The following RAB15 variants were observed in gnomAD, a reference collection of about 807,000 sequenced individuals.
RAB15 encodes the protein RAB15, member RAS oncogene family, also known as ras-related protein Rab-15.
A neutral mutation model predicts 31.8 loss-of-function variants in RAB15; 13 were observed. The observed-to-expected ratio is 0.41, with a 90% CI of 0.27 to 0.65. The LOEUF is 0.65. Ranked by LOEUF, RAB15 falls within the 30% of genes least tolerant of loss-of-function variation. RAB15 has a pLI of 0.32. For synonymous variants in RAB15, 100 were observed against 105.6 expected (o/e 0.95, Z 0.33); for missense variants, 220 against 277.3 (o/e 0.79, Z 1.47).
chr14:64,972,035 G>A lies in RAB15; in HGVS notation c.42C>T (p.Ile14=), dbSNP rs774084170. ...QYDVLFRLLL[I]GDSGVGKTCL... is the part of the protein sequence containing the mutation. ...AGGTCTTGCCCACCCCGGAGTCCCC[G>A]ATCAGCAGCAGCCGGAACAGCACAT... The change falls in exon 1 of 7, where the codon ATC becomes ATT. Residue 14 remains isoleucine, a synonymous_variant. Transcript: ENST00000533601. The surrounding 1 kb of genome is among the most constrained non-coding windows in gnomAD (Gnocchi z 6.3). 552 of 1,610,780 alleles carry A rather than the reference G, an allele frequency of 3.4e-4. 1 individual carries two copies. Among genetic ancestry groups the A allele is most frequent in the South Asian group, 6.6e-4 (60 of 90,532 alleles).
At position 64,962,911 on chromosome 14, in the gene RAB15, G is replaced by T. The variant is rs1252701739; in HGVS notation, c.124+9042C>A. On this transcript the variant is annotated intron_variant, in intron 1 of 6. Transcript: ENST00000533601. This position sits in a 1 kb window ranked among gnomAD's most constrained non-coding sequence, Gnocchi z 4.2. ...TCAATAGCACTTACACTTGTCTGGA[G>T]GCGTGAACCTGAAGAATACACCAAG... 6.6e-6 allele frequency among the ~76,000 whole-genome samples: 1 copy of T among 152,098 alleles called. No homozygotes were observed. The highest frequency in any genetic ancestry group is 1.5e-5 in the Non-Finnish European group (1 of 68,028).
Position 64,948,431 on chromosome 14 carries a change from A to G in RAB15, c.562T>C (p.Leu188=), listed in dbSNP as rs1886037348. 1.9e-6 allele frequency: 3 copies of G among 1,613,610 alleles called. No homozygotes were observed. The highest frequency in any genetic ancestry group is 3.3e-4 in the Middle Eastern group (2 of 6,062). Residue 188 remains leucine (L), a synonymous_variant, in exon 7 of 7, where the codon TTG becomes CTG. Coordinates refer to ENST00000533601, the MANE Select transcript of RAB15 (RefSeq NM_001308154.2). The surrounding 1 kb of genome is among the most constrained non-coding windows in gnomAD (Gnocchi z 7.0). The part of the protein sequence containing the change: ...EGLRMRASNE[L]ALAELEEEEG... ...TCCTCCTCCAGCTCTGCCAGTGCCA[A>G]CTCATTGCTGGCACGCATCCGGAGG...
rs1022065448 is a variant in RAB15, at chr14:64,958,401, C to T, written c.125-5830G>A. The stretch of plus-strand genomic sequence containing the variant: ...CATGTGAGGATGGAGCTAGAAGGTG[C>T]CACCTTTGTCACAGAGCATCAGCCT... On this transcript the variant is annotated intron_variant, in intron 1 of 6. Transcript: ENST00000533601. This position sits in a 1 kb window ranked among gnomAD's most constrained non-coding sequence, Gnocchi z 4.4. Among the ~76,000 whole-genome samples, 3 of 152,162 alleles carry T rather than the reference C, an allele frequency of 2.0e-5. No individual in the cohort carries two copies. The highest frequency in any genetic ancestry group is 4.4e-5 in the Non-Finnish European group (3 of 68,014).
chr14:64,956,124 C>T (rs138686178), intron 1 of RAB15, among the ~76,000 whole-genome samples: 159 of 152,188 alleles, frequency 1.0e-3, no homozygotes, highest in African/African-American at 3.5e-3. Flanking sequence ...AAATTCTGGC[C>T]GCACGCGGTG....
At position 64,971,169 on chromosome 14, in the gene RAB15, A is replaced by G. The variant is rs1440426006; in HGVS notation, c.124+784T>C. 6.6e-6 allele frequency among the ~76,000 whole-genome samples: 1 copy of G among 152,182 alleles called. No individual in the cohort carries two copies. Among genetic ancestry groups the G allele is most frequent in the Non-Finnish European group, 1.5e-5 (1 of 68,028 alleles). ...GTCTCAGAGGGGAGGCCATGGACCC[A>G]TTCCTAGAATAAGTGACCCCATCAT... On this transcript the variant is annotated intron_variant, in intron 1 of 6. Transcript: ENST00000533601. The surrounding 1 kb of genome is among the most constrained non-coding windows in gnomAD (Gnocchi z 4.1).
rs1052552786 is a variant in RAB15, at chr14:64,954,413, G to A, written c.125-1842C>T. 7.1e-6 allele frequency: 7 copies of A among 985,400 alleles called. No homozygotes were observed. Among genetic ancestry groups the A allele is most frequent in the Middle Eastern group, 5.2e-4 (1 of 1,914 alleles). 61.0% of individuals were successfully genotyped at this position (985,400 alleles called of 1,614,324 possible). A position where few individuals can be genotyped will look rare whatever the true frequency, so the allele number is the denominator to read the frequency against. On this transcript the variant is annotated intron_variant, in intron 1 of 6. Transcript: ENST00000533601. The surrounding 1 kb of genome is among the most constrained non-coding windows in gnomAD (Gnocchi z 4.3). ...TACAGCACCTTCTTCCAAGAAGAAC[G>A]AGAAATTTTCTCCAATTTGTAATAT...
In RAB15 at chr14:64,972,010, A is replaced by C. The variant is rs769741233; in HGVS notation, c.67T>G (p.Cys23Gly). The C allele has an allele frequency of 1.9e-6, 3 of 1,608,882 alleles. No individual in the cohort carries two copies. Among genetic ancestry groups the C allele is most frequent in the Non-Finnish European group, 2.5e-6 (3 of 1,177,782 alleles). Residue 23 changes from cysteine (C) to glycine (G), a missense_variant, in exon 1 of 7, where the codon TGC becomes GGC. Cys to Gly is a radical substitution (Grantham distance 159). Transcript: ENST00000533601. The surrounding 1 kb of genome is among the most constrained non-coding windows in gnomAD (Gnocchi z 6.3). ...TTGTCGGTGAAGCGGCACAGCAGGCAGGTCTTGCCCACCCCGGAGTCCCCG... is the reference window on the plus strand; with the variant it reads ...TTGTCGGTGAAGCGGCACAGCAGGCCGGTCTTGCCCACCCCGGAGTCCCCG... ...LIGDSGVGKT[C>G]LLCRFTDNEF...
In RAB15 at chr14:64,948,454, AG is replaced by A; in HGVS notation, c.538del (p.Leu180SerfsTer167). ...CAACTCATTGCTGGCACGCATCCGG[AG>A]GCCTTCCAGCTCCTTCCTATGGGCC... is the stretch of plus-strand genomic sequence containing the variant. Reference protein sequence around the residue: ...LQAHRKELEGLRMRASNELAL... With the variant: ...LQAHRKELEGXRMRASNELAL... On this transcript the variant is annotated frameshift_variant, in exon 7 of 7. Coordinates refer to ENST00000533601, the MANE Select transcript of RAB15 (RefSeq NM_001308154.2). LOFTEE classifies it high-confidence loss of function. The surrounding 1 kb of genome is among the most constrained non-coding windows in gnomAD (Gnocchi z 7.0). 6.2e-7 allele frequency: 1 copy of A among 1,613,626 alleles called. No individual in the cohort carries two copies. The highest frequency in any genetic ancestry group is 1.7e-5 in the Admixed American group (1 of 59,928).
chr14:64,963,336 G>A (rs1886962190), intron 1 of RAB15, among the ~76,000 whole-genome samples: 1 of 151,838 alleles, frequency 6.6e-6, no homozygotes. Context: ...ACCAGGCTGG[G>A]TCTTCCCCTT....
chr14:64,967,920 C>T (rs1281926700), intron 1 of RAB15, among the ~76,000 whole-genome samples: 1 of 152,132 alleles, frequency 6.6e-6, no homozygotes, highest in Non-Finnish European at 1.5e-5. Flanking sequence ...CTACTGCAGC[C>T]CCTGACTAGT....
At chr14:64,969,627 C>T (rs1887322402) in intron 1 of RAB15, among the ~76,000 whole-genome samples, 1 of 152,114 alleles carries the variant, frequency 6.6e-6, no homozygotes, top group Non-Finnish European at 1.5e-5. Flanking sequence ...GAAAGGGGAA[C>T]CCGGGTGTCA....
At chr14:64,969,971 G>C (rs1887340704) in intron 1 of RAB15, among the ~76,000 whole-genome samples, 2 of 152,272 alleles carry the variant, frequency 1.3e-5, no homozygotes. Flanking sequence ...CCTCAAAAAG[G>C]AGGGTATGTG....
Position 64,971,509 on chromosome 14 carries a change from G to C in RAB15, c.124+444C>G, listed in dbSNP as rs1029107747. On this transcript the variant is annotated intron_variant, in intron 1 of 6. Transcript: ENST00000533601. The surrounding 1 kb of genome is among the most constrained non-coding windows in gnomAD (Gnocchi z 4.1). ...CTCTTCCCCCCCTCGCCCCCCGCCG[G>C]CTCCACCTTGGGTCACCACAGAACC... Among the ~76,000 whole-genome samples the C allele has an allele frequency of 6.6e-6, 1 of 151,090 alleles. No homozygotes were observed. Among genetic ancestry groups the C allele is most frequent in the Non-Finnish European group, 1.5e-5 (1 of 67,714 alleles).
In RAB15 at chr14:64,954,245, GAGGGAGGA is replaced by G. The variant is rs985132375; in HGVS notation, c.125-1682_125-1675del. On this transcript the variant is annotated intron_variant, in intron 1 of 6. Transcript: ENST00000533601. This position sits in a 1 kb window ranked among gnomAD's most constrained non-coding sequence, Gnocchi z 4.3. ...TGTGCAGAGAAAGAGTGAAGAGAAG[GAGGGAGGA>G]AGGGAGGAAGGAGAGAAGCATCAGG... is the stretch of plus-strand genomic sequence containing the variant. The G allele has an allele frequency of 1.3e-4, 128 of 985,280 alleles. No individual in the cohort carries two copies. Among genetic ancestry groups the G allele is most frequent in the Non-Finnish European group, 1.5e-4 (124 of 829,920 alleles). 61.0% of individuals were successfully genotyped at this position (985,280 alleles called of 1,614,324 possible).
chr14:64,968,883 G>A lies in RAB15; in HGVS notation c.124+3070C>T, dbSNP rs934436931. Among the ~76,000 whole-genome samples the A allele has an allele frequency of 1.3e-5, 2 of 152,194 alleles. No homozygotes were observed. Among genetic ancestry groups the A allele is most frequent in the East Asian group, 1.9e-4 (1 of 5,198 alleles). Reference sequence around the variant, plus strand: ...CTGCTGGTCTGCTGGCCAGAAAGACGAAAAGGATAGGGGGAGGGACAGTCA... The same window carrying A: ...CTGCTGGTCTGCTGGCCAGAAAGACAAAAAGGATAGGGGGAGGGACAGTCA... On this transcript the variant is annotated intron_variant, in intron 1 of 6. Coordinates refer to ENST00000533601, the MANE Select transcript of RAB15 (RefSeq NM_001308154.2). This position sits in a 1 kb window ranked among gnomAD's most constrained non-coding sequence, Gnocchi z 4.9.
rs117562845 is a variant in RAB15 at position 64,952,347 on chromosome 14, G to T, written c.185+164C>A. ...AAGTTTCTTAGAGGTTGGAGATTAA[G>T]GCTTATAGGAAGAGATGGGCTTCTG... On this transcript the variant is annotated intron_variant, in intron 2 of 6. Coordinates refer to ENST00000533601, the MANE Select transcript of RAB15 (RefSeq NM_001308154.2). This position sits in a 1 kb window ranked among gnomAD's most constrained non-coding sequence, Gnocchi z 4.2. Among the ~76,000 whole-genome samples, 1,342 of 152,280 alleles carry T rather than the reference G, an allele frequency of 8.8e-3. 14 individuals are homozygous for T. Among genetic ancestry groups the T allele is most frequent in the Non-Finnish European group, 0.014 (984 of 68,014 alleles).
chr14:64,967,358 G>A (rs530402324), intron 1 of RAB15, among the ~76,000 whole-genome samples: 1 of 152,314 alleles, frequency 6.6e-6, no homozygotes, highest in East Asian at 1.9e-4. Flanking sequence ...GAAGGCTGAG[G>A]CTGGTGGATC....
At position 64,970,924 on chromosome 14, in the gene RAB15, C is replaced by G. The variant is rs988157036; in HGVS notation, c.124+1029G>C. On this transcript the variant is annotated intron_variant, in intron 1 of 6. Coordinates refer to ENST00000533601, the MANE Select transcript of RAB15 (RefSeq NM_001308154.2). This position sits in a 1 kb window ranked among gnomAD's most constrained non-coding sequence, Gnocchi z 4.1. The stretch of plus-strand genomic sequence containing the variant: ...GGGGGATGGTGTGGACATGAATCCT[C>G]AAGAGGAAGCTGAGAGCTGGTGCCC... Among the ~76,000 whole-genome samples the G allele has an allele frequency of 8.5e-5, 13 of 152,092 alleles. No homozygotes were observed. The highest frequency in any genetic ancestry group is 3.1e-4 in the African/African-American group (13 of 41,402).
Position 64,947,924 on chromosome 14 carries a change from T to C in RAB15, c.*430A>G. Reference sequence around the variant, plus strand: ...ACACGGGGGACGGGGTTTGAGGAGCTTTGATACGAAACGCACCGGAGGGGA... The same window carrying C: ...ACACGGGGGACGGGGTTTGAGGAGCCTTGATACGAAACGCACCGGAGGGGA... On this transcript the variant is annotated 3_prime_UTR_variant, in exon 7 of 7. Coordinates refer to ENST00000533601, the MANE Select transcript of RAB15 (RefSeq NM_001308154.2). The surrounding 1 kb of genome is among the most constrained non-coding windows in gnomAD (Gnocchi z 5.6). 6.1e-6 allele frequency: 1 copy of C among 163,448 alleles called. No homozygotes were observed. Among genetic ancestry groups the C allele is most frequent in the South Asian group, 1.9e-4 (1 of 5,180 alleles). The allele number at this position is 163,448 out of a possible 1,614,324, so 10.1% of individuals were successfully genotyped here.
Sources: gnomAD v4.1 joint callset for allele counts (sites outside exome capture counted in the v4.1 genomes callset) on GRCh38, gnomAD v4.1.1 for gene constraint, Gnocchi (gnomAD v3.1) non-coding constraint, MANE v1.5 for transcripts, NCBI Gene and HGNC (gene_info 2026-07-23, HGNC 2026-07-21) for gene names.